ANK2: variants seen among roughly 807,000 people sequenced by gnomAD.
ANK2 encodes the protein ankyrin-2.
In ANK2, 83 loss-of-function variants were observed where a neutral mutation model predicts 360.5. That is an observed-to-expected ratio of 0.23 (90% CI 0.19 to 0.28). The LOEUF is 0.28. ANK2 is among the 10% of genes least tolerant of loss of function. The probability of loss-of-function intolerance (pLI) is 1.00; values close to 1 mark genes in which losing one functional copy is unlikely to be tolerated. For synonymous variants in ANK2, 1,740 were observed against 1,759.5 expected (o/e 0.99, Z 0.28); for missense variants, 4,201 against 4,795.7 (o/e 0.88, Z 3.66).
chr4:112,772,019 G>A, the ANK2 span, among the ~76,000 whole-genome samples: 1 of 152,256 alleles, frequency 6.6e-6, no homozygotes, highest in Non-Finnish European at 1.5e-5. Context: ...GCTGCTTCAG[G>A]AGAAGGTCAG....
chr4:113,379,654 T>C (rs1190585381), intron 45 of ANK2, among the ~76,000 whole-genome samples: 1 of 152,170 alleles, frequency 6.6e-6, no homozygotes, highest in Non-Finnish European at 1.5e-5. Context: ...TTTCAATCAT[T>C]GGAATCAAAT....
At chr4:112,834,626 AC>A (rs1376008507) in intron 1 of ANK2, among the ~76,000 whole-genome samples, 1 of 152,208 alleles carries the variant, frequency 6.6e-6, no homozygotes, top group African/African-American at 2.4e-5. Context: ...ACTTAAAAAA[AC>A]ACTACAAAGC....
chr4:113,049,970 C>T (rs541337374), intron 1 of ANK2, among the ~76,000 whole-genome samples, 158 bp downstream of exon 1: 4 of 152,240 alleles, frequency 2.6e-5, no homozygotes, highest in South Asian at 2.1e-4. Context: ...CAGGTGCAAA[C>T]TGCTGCTTTT....
Position 113,038,588 on chromosome 4 carries a change from C to A in ANK2, c.21+134074C>A, listed in dbSNP as rs955921342. Among the ~76,000 whole-genome samples the A allele has an allele frequency of 2.6e-5, 4 of 151,936 alleles. No individual in the cohort carries two copies. In the South Asian group the frequency reaches 8.3e-4, roughly 32 times the overall value. The stretch of plus-strand genomic sequence containing the variant: ...TTCCATATGCTCTTCAGCAATGTGA[C>A]CTTTCCACCTACCCCTCAACAAGAG... On this transcript the variant is annotated intron_variant, in intron 2 of 30. Coordinates refer to the ANK2 transcript ENST00000503271.
At chr4:112,952,589 AAG>A (rs1195908316) in intron 2 of ANK2, among the ~76,000 whole-genome samples, 3 of 152,210 alleles carry the variant, frequency 2.0e-5, no homozygotes. Context: ...CATGTTAAGG[AAG>A]AGTAATACCA....
At chr4:112,897,850 G>T (rs1025552895) in intron 1 of ANK2, among the ~76,000 whole-genome samples, 13 of 152,154 alleles carry the variant, frequency 8.5e-5, no homozygotes, top group African/African-American at 2.2e-4. Flanking sequence ...AGAATAATAA[G>T]AACTAGTTTC....
the ANK2 span, among the ~76,000 whole-genome samples, chr4:112,733,617 T>G: frequency 4.6e-5 from 7 of 152,168 alleles, no homozygotes; most frequent in Non-Finnish European, 1.0e-4. Context: ...CTAGCTCAAA[T>G]TAAACATTTG....
intron 1 of ANK2, among the ~76,000 whole-genome samples, chr4:113,090,097 A>G (rs2087050075): frequency 6.6e-6 from 1 of 152,218 alleles, no homozygotes; most frequent in Non-Finnish European, 1.5e-5. Context: ...AGTCTGTGAA[A>G]TCATATCTTG....
chr4:113,083,050 C>A (rs1046929862), intron 1 of ANK2, among the ~76,000 whole-genome samples: 1 of 151,570 alleles, frequency 6.6e-6, no homozygotes, highest in Non-Finnish European at 1.5e-5. Flanking sequence ...TGTATAATTT[C>A]TTTTGTTGTT....
chr4:112,997,023 T>G (rs1272314921), intron 2 of ANK2, among the ~76,000 whole-genome samples: 4 of 152,126 alleles, frequency 2.6e-5, no homozygotes, highest in African/African-American at 9.6e-5. Flanking sequence ...CTTCACCAGT[T>G]AAGATTATGA....
chr4:113,228,041 T>A (rs1471833098), intron 4 of ANK2, among the ~76,000 whole-genome samples: 1 of 152,344 alleles, frequency 6.6e-6, no homozygotes, highest in East Asian at 1.9e-4. Flanking sequence ...CCTATTCTGC[T>A]GGAAGTTGTA....
chr4:113,296,361 A>G (rs1282371494), intron 22 of ANK2, among the ~76,000 whole-genome samples: 1 of 152,188 alleles, frequency 6.6e-6, no homozygotes, highest in Non-Finnish European at 1.5e-5. Context: ...TAAAATTAAT[A>G]AAAGTTAATG....
intron 1 of ANK2, among the ~76,000 whole-genome samples, chr4:112,895,545 G>T (rs751278991): frequency 5.3e-5 from 8 of 152,040 alleles, no homozygotes; most frequent in Non-Finnish European, 1.2e-4. Flanking sequence ...GTTCTCTGGG[G>T]AGTTAAATAG....
intron 1 of ANK2, among the ~76,000 whole-genome samples, chr4:113,108,266 T>C (rs973559873): frequency 6.6e-6 from 1 of 152,164 alleles, no homozygotes; most frequent in African/African-American, 2.4e-5. Flanking sequence ...TTTTCGAAGC[T>C]TCCTCCCCAA....
chr4:113,328,650 T>G (rs1466857669), intron 26 of ANK2, among the ~76,000 whole-genome samples: 1 of 152,146 alleles, frequency 6.6e-6, no homozygotes, highest in Non-Finnish European at 1.5e-5. Flanking sequence ...TCCTGAAAAC[T>G]TTAAGCGGGC....
intron 1 of ANK2, among the ~76,000 whole-genome samples, chr4:112,847,767 G>A (rs1252080026): frequency 1.3e-5 from 2 of 152,148 alleles, no homozygotes; most frequent in Non-Finnish European, 2.9e-5. Flanking sequence ...ATTGTCCTTA[G>A]AGGGTAGTTT....
intron 1 of ANK2, among the ~76,000 whole-genome samples, chr4:112,893,101 G>A (rs568634537): frequency 6.6e-6 from 1 of 152,210 alleles, no homozygotes; most frequent in South Asian, 2.1e-4. Flanking sequence ...TCCTGGAAAT[G>A]TTAACTTCAA....
chr4:113,331,658 A>C (rs538129039), intron 27 of ANK2, among the ~76,000 whole-genome samples: 1 of 152,220 alleles, frequency 6.6e-6, no homozygotes, highest in Non-Finnish European at 1.5e-5. Context: ...TACAGGGCAG[A>C]GTTTTCATTA....
At chr4:112,959,169 G>A (rs2033278954) in intron 2 of ANK2, among the ~76,000 whole-genome samples, 1 of 151,988 alleles carries the variant, frequency 6.6e-6, no homozygotes, top group Admixed American at 6.5e-5. Flanking sequence ...TTTATTATAT[G>A]CTTATATTGG....
Sources: gnomAD v4.1 joint callset for allele counts (sites outside exome capture counted in the v4.1 genomes callset) on GRCh38, gnomAD v4.1.1 for gene constraint, MANE v1.5 for transcripts, NCBI Gene and HGNC (gene_info 2026-07-23, HGNC 2026-07-21) for gene names.